The following GNG5 variants were observed in gnomAD, a reference collection of about 807,000 sequenced individuals.
The protein encoded by GNG5 is G protein subunit gamma 5.
A neutral mutation model predicts 6.2 loss-of-function variants in GNG5; 2 were observed. The ratio of observed to expected loss-of-function variants is 0.32; its 90% confidence interval spans 0.13 to 1.01. GNG5 has a LOEUF of 1.01. Ranked by LOEUF, GNG5 falls within the 50% of genes least tolerant of loss-of-function variation. GNG5 has a pLI of 0.48. For synonymous variants in GNG5, 24 were observed against 33.0 expected (o/e 0.73, Z 0.93); for missense variants, 57 against 80.2 (o/e 0.71, Z 1.10).
chr1:84,506,177 C>CG lies in GNG5; in HGVS notation c.-87dup. 9.2e-7 allele frequency: 1 copy of CG among 1,084,064 alleles called. No individual in the cohort carries two copies. Among genetic ancestry groups the CG allele is most frequent in the Non-Finnish European group, 1.3e-6 (1 of 774,914 alleles). The allele number at this position is 1,084,064 out of a possible 1,614,324, so 67.2% of individuals were successfully genotyped here. On this transcript the variant is annotated 5_prime_UTR_variant, in exon 2 of 4. The change creates a premature stop within an existing upstream ORF in the 5' untranslated region. Coordinates refer to ENST00000370645, the MANE Select transcript of GNG5 (RefSeq NM_005274.3). ...GGCCAGACAACTCAGCGGCGCGCGGCGGGGGCGGGGCTCCGAACTTTGTCT... is the reference window on the plus strand; with the variant it reads ...GGCCAGACAACTCAGCGGCGCGCGGCGGGGGGCGGGGCTCCGAACTTTGTCT...
At chr1:84,499,774 A>G (rs1251069581) in intron 3 of GNG5, among the ~76,000 whole-genome samples, 1 of 152,118 alleles carries the variant, frequency 6.6e-6, no homozygotes, top group African/African-American at 2.4e-5. Context: ...AAAGAGGAAA[A>G]ATTTCAAAAG....
intron 3 of GNG5, among the ~76,000 whole-genome samples, chr1:84,501,385 T>C (rs1466831154): frequency 6.6e-6 from 1 of 152,230 alleles, no homozygotes; most frequent in East Asian, 1.9e-4. Flanking sequence ...GTTAGAGCAA[T>C]AACATCAAGA....
intron 3 of GNG5, among the ~76,000 whole-genome samples, chr1:84,499,384 G>A (rs750724271): frequency 1.4e-4 from 22 of 152,096 alleles, no homozygotes; most frequent in Non-Finnish European, 2.9e-4. Flanking sequence ...TGTTTCTAGT[G>A]GAAGGCCAAA....
chr1:84,505,408 C>T (rs1283214866), intron 2 of GNG5, among the ~76,000 whole-genome samples: 2 of 152,148 alleles, frequency 1.3e-5, no homozygotes, highest in Admixed American at 6.5e-5. Flanking sequence ...CGAGGTTGTA[C>T]GGGGCACTGA....
intron 3 of GNG5, among the ~76,000 whole-genome samples, chr1:84,499,390 C>T (rs1371543956): frequency 6.6e-6 from 1 of 152,060 alleles, no homozygotes; most frequent in Non-Finnish European, 1.5e-5. Flanking sequence ...TAGTGGAAGG[C>T]CAAAGTATTA....
chr1:84,501,978 TAAC>T lies in GNG5; in HGVS notation c.82-11_82-9del. The T allele has an allele frequency of 6.2e-7, 1 of 1,608,186 alleles. No homozygotes were observed. On this transcript the variant is annotated splice_polypyrimidine_tract_variant and intron_variant, in intron 2 of 3. Coordinates refer to ENST00000370645, the MANE Select transcript of GNG5 (RefSeq NM_005274.3). ...TGCAGCTGCCTGGGAAACCTATACA[TAAC>T]AAAGAGGGGGGGAAGTGCCAGATGG...
intron 3 of GNG5, among the ~76,000 whole-genome samples, chr1:84,498,792 AG>A (rs1475347889): frequency 6.6e-6 from 1 of 152,220 alleles, no homozygotes; most frequent in African/African-American, 2.4e-5. Context: ...ATAATAAAAA[AG>A]GTTAATAAAA....
At chr1:84,502,132 CTTTTTTT>C (rs140132840) in intron 2 of GNG5, among the ~76,000 whole-genome samples, 162 bp from the exon 3 acceptor site, 1 of 102,086 alleles carries the variant, frequency 9.8e-6, no homozygotes, top group African/African-American at 4.3e-5. Context: ...ATAGTGAGCT[CTTTTTTT>C]TTTTTTTTTT....
At chr1:84,501,429 A>AT (rs1323232553) in intron 3 of GNG5, among the ~76,000 whole-genome samples, 15 of 152,212 alleles carry the variant, frequency 9.9e-5, no homozygotes, top group African/African-American at 3.6e-4. Flanking sequence ...ACTTTAAGTT[A>AT]TCCCCATAAA....
rs765284581 is a variant in GNG5, at chr1:84,501,869, G to C, written c.183C>G (p.Pro61=). ...GVSSSTNPFR[P]QKVCSFL Reference sequence around the variant, plus strand: ...ACTACAAAAAGGAACAGACTTTCTGGGGTCTGAAGGGATTTGTACTTGAAG... The same window carrying C: ...ACTACAAAAAGGAACAGACTTTCTGCGGTCTGAAGGGATTTGTACTTGAAG... The change falls in exon 3 of 4, where the codon CCC becomes CCG. Residue 61 remains proline, a synonymous_variant. Transcript: ENST00000370645. The C allele has an allele frequency of 1.5e-5, 24 of 1,608,930 alleles. No homozygotes were observed. In the East Asian group the frequency reaches 5.1e-4, roughly 34 times the overall value.
rs1486742909 is a variant in GNG5, at chr1:84,506,185, G to A, written c.-94C>T. 4 of 1,005,110 alleles carry A rather than the reference G, an allele frequency of 4.0e-6. No individual in the cohort carries two copies. Among genetic ancestry groups the A allele is most frequent in the Non-Finnish European group, 5.6e-6 (4 of 709,848 alleles). 62.3% of individuals were successfully genotyped at this position (1,005,110 alleles called of 1,614,324 possible). The stretch of plus-strand genomic sequence containing the variant: ...AACTCAGCGGCGCGCGGCGGGGGCG[G>A]GGCTCCGAACTTTGTCTCTAAGTTT... On this transcript the variant is annotated 5_prime_UTR_variant, in exon 2 of 4. Transcript: ENST00000370645.
chr1:84,500,902 A>G (rs1450284061), intron 3 of GNG5, among the ~76,000 whole-genome samples: 1 of 152,184 alleles, frequency 6.6e-6, no homozygotes, highest in East Asian at 1.9e-4. Flanking sequence ...GCCATATACA[A>G]AATCTTTTTT....
chr1:84,505,394 T>TGTTC (rs1682160681), intron 2 of GNG5, among the ~76,000 whole-genome samples: 2 of 152,244 alleles, frequency 1.3e-5, no homozygotes, highest in African/African-American at 2.4e-5. Flanking sequence ...ATGCACGCTT[T>TGTTC]GTTCGAGGTT....
chr1:84,504,441 C>T (rs1355458603), intron 2 of GNG5, among the ~76,000 whole-genome samples: 3 of 152,152 alleles, frequency 2.0e-5, no homozygotes, highest in Non-Finnish European at 4.4e-5. Flanking sequence ...GGAGCAGCAG[C>T]TAGGGTTTTC....
At chr1:84,502,132 CTTTTTTTTTT>C (rs140132840) in intron 2 of GNG5, among the ~76,000 whole-genome samples, 162 bp from the exon 3 acceptor site, 1 of 102,086 alleles carries the variant, frequency 9.8e-6, no homozygotes, top group Non-Finnish European at 1.9e-5. Context: ...ATAGTGAGCT[CTTTTTTTTTT>C]TTTTTTTTTT....
At chr1:84,505,420 C>G (rs561829536) in intron 2 of GNG5, among the ~76,000 whole-genome samples, 3 of 152,140 alleles carry the variant, frequency 2.0e-5, no homozygotes, top group Admixed American at 6.5e-5. Context: ...GGGCACTGAC[C>G]GGAACTTTAC....
At chr1:84,505,801 G>A (rs1682184288) in intron 2 of GNG5, among the ~76,000 whole-genome samples, 1 of 152,204 alleles carries the variant, frequency 6.6e-6, no homozygotes, top group Admixed American at 6.5e-5. Context: ...GGGGCGGAAG[G>A]GCGAACTAAT....
intron 2 of GNG5, among the ~76,000 whole-genome samples, chr1:84,504,051 T>C (rs1284070476): frequency 6.6e-6 from 1 of 152,232 alleles, no homozygotes; most frequent in African/African-American, 2.4e-5. Flanking sequence ...AACCCTGTAA[T>C]CCTGGCCTAT....
chr1:84,498,947 C>T (rs1014813928), intron 3 of GNG5, among the ~76,000 whole-genome samples: 3 of 152,010 alleles, frequency 2.0e-5, no homozygotes, highest in Non-Finnish European at 4.4e-5. Context: ...GAAACATGTA[C>T]AAGGATACTG....
Sources: gnomAD v4.1 joint callset for allele counts (sites outside exome capture counted in the v4.1 genomes callset) on GRCh38, gnomAD v4.1.1 for gene constraint, MANE v1.5 for transcripts, NCBI Gene and HGNC (gene_info 2026-07-23, HGNC 2026-07-21) for gene names.